Variants in PCDHGA8 observed in about 807,000 individuals in gnomAD.
PCDHGA8 encodes protocadherin gamma subfamily A, 8.
PCDHGA8 carries 45 observed loss-of-function variants against 59.2 expected under a neutral mutation model. The observed-to-expected ratio is 0.76, with a 90% CI of 0.60 to 0.98. The LOEUF (loss-of-function observed/expected upper bound fraction) is 0.98. Among genes scored for constraint, PCDHGA8 ranks in the 50% least tolerant of loss-of-function variants. PCDHGA8 has a pLI of 0.00. For missense variants in PCDHGA8, 1,257 were observed against 1,196.2 expected (o/e 1.05, Z -0.75); for synonymous variants, 531 against 519.0 (o/e 1.02, Z -0.32).
rs767291767 is a variant in PCDHGA8, at chr5:141,487,668, T to C, written c.2425-7139T>C. ...CTTGAGGGTTATTCTGATCCAGGCA[T>C]ATGGCTAGGCCATGTCCTAGAGAGT... is the stretch of plus-strand genomic sequence containing the variant. On this transcript the variant is annotated intron_variant, in intron 1 of 3. Transcript: ENST00000398604. The surrounding 1 kb of genome is among the most constrained non-coding windows in gnomAD (Gnocchi z 5.0). 1.9e-6 allele frequency: 3 copies of C among 1,612,658 alleles called. No homozygotes were observed. Among genetic ancestry groups the C allele is most frequent in the South Asian group, 1.1e-5 (1 of 90,650 alleles).
chr5:141,506,815 A>G (rs2099856451), intron 3 of PCDHGA8, among the ~76,000 whole-genome samples: 1 of 152,214 alleles, frequency 6.6e-6, no homozygotes, highest in African/African-American at 2.4e-5. Flanking sequence ...GCATTGCCCT[A>G]TATCATGAAC....
At chr5:141,405,355 A>G in intron 1 of PCDHGA8, 2 of 1,613,990 alleles carry the variant, frequency 1.2e-6, no homozygotes, top group South Asian at 1.1e-5. Flanking sequence ...AGTTTCCTAT[A>G]GAAGACACCC....
At chr5:141,416,215 A>G (rs969061407) in intron 1 of PCDHGA8, 1 of 152,400 alleles carries the variant, frequency 6.6e-6, no homozygotes, top group Non-Finnish European at 1.5e-5. Flanking sequence ...ATAACAATGT[A>G]TGCTTAGATT....
In PCDHGA8 at chr5:141,511,286, G is replaced by A. The variant is rs1231704933; in HGVS notation, c.*113G>A. On this transcript the variant is annotated 3_prime_UTR_variant, in exon 4 of 4. Coordinates refer to ENST00000398604, the MANE Select transcript of PCDHGA8 (RefSeq NM_032088.2). The stretch of plus-strand genomic sequence containing the variant: ...GGCTAACCCCCAGAATACTGGTAGG[G>A]GCCAAGGCCATGCTCCCCTTGGGAA... 2 of 1,520,242 alleles carry A rather than the reference G, an allele frequency of 1.3e-6. No individual in the cohort carries two copies. The allele number at this position is 1,520,242 out of a possible 1,614,324, so 94.2% of individuals were successfully genotyped here.
chr5:141,459,827 A>T (rs779024675), intron 1 of PCDHGA8, among the ~76,000 whole-genome samples: 1 of 152,126 alleles, frequency 6.6e-6, no homozygotes, highest in Non-Finnish European at 1.5e-5. Context: ...GCAACTTTTC[A>T]TGTGTTGTCT....
intron 1 of PCDHGA8, chr5:141,399,316 T>C (rs1281033457): frequency 6.2e-7 from 1 of 1,613,772 alleles, no homozygotes; most frequent in Non-Finnish European, 8.5e-7. Flanking sequence ...ATCCAAAAAT[T>C]CGTATAAGTT....
chr5:141,401,672 T>A (rs1468956975), intron 1 of PCDHGA8, among the ~76,000 whole-genome samples: 1 of 152,222 alleles, frequency 6.6e-6, no homozygotes, highest in African/African-American at 2.4e-5. Context: ...CTCAACATCC[T>A]TGTAGGATGG....
chr5:141,405,201 T>C, intron 1 of PCDHGA8: 1 of 1,614,050 alleles, frequency 6.2e-7, no homozygotes, highest in Non-Finnish European at 8.5e-7. Context: ...CGAGCTTTCC[T>C]ACAGACCTAT....
intron 1 of PCDHGA8, among the ~76,000 whole-genome samples, chr5:141,460,934 G>GTA (rs2099001529): frequency 2.7e-5 from 4 of 149,622 alleles, no homozygotes; most frequent in African/African-American, 9.9e-5. Context: ...ATGTGTGTGT[G>GTA]TATATATATG....
At chr5:141,436,676 G>T (rs1019010328) in intron 1 of PCDHGA8, among the ~76,000 whole-genome samples, 1 of 152,238 alleles carries the variant, frequency 6.6e-6, no homozygotes, top group African/African-American at 2.4e-5. Flanking sequence ...ACCAAAAAAA[G>T]GATTTATATT....
rs530540432 is a variant in PCDHGA8 at position 141,394,239 on chromosome 5, G to T, written c.1426G>T (p.Ala476Ser). ...LRGASIFSLT[A>S]HDPDSQENAQ... ...AGGAGCCTCCATCTTTTCCTTGACT[G>T]CACACGACCCCGACAGCCAGGAGAA... is the stretch of plus-strand genomic sequence containing the variant. Residue 476 changes from alanine to serine, a missense_variant, in exon 1 of 4, where the codon GCA becomes TCA. Physicochemically the swap from Ala to Ser is moderately conservative, Grantham distance 99. Transcript: ENST00000398604. 6.2e-7 allele frequency: 1 copy of T among 1,613,750 alleles called. No individual in the cohort carries two copies. Among genetic ancestry groups the T allele is most frequent in the Non-Finnish European group, 8.5e-7 (1 of 1,179,874 alleles).
At position 141,405,308 on chromosome 5, in the gene PCDHGA8, GA is replaced by G. The variant is rs776065617; in HGVS notation, c.2424+10072del. 15 of 1,614,096 alleles carry G rather than the reference GA, an allele frequency of 9.3e-6. No individual in the cohort carries two copies. The African/African-American group carries it at 1.9e-4, about 20-fold the overall frequency. On this transcript the variant is annotated intron_variant, in intron 1 of 3. Transcript: ENST00000398604. The stretch of plus-strand genomic sequence containing the variant: ...CACACTCATCAGCCAGCAGAGCTGT[GA>G]GAAAAATGAGCCTTTGTGCGTCTCT...
rs1475572413 is a variant in PCDHGA8, at chr5:141,432,843, T to G, written c.2424+37606T>G. The G allele has an allele frequency of 6.2e-7, 1 of 1,614,066 alleles. No homozygotes were observed. The highest frequency in any genetic ancestry group is 8.5e-7 in the Non-Finnish European group (1 of 1,180,020). ...TCAGACCTCACTCTGTACCTGGTGGTAGCGGTGGCCGCGGTCTCCTGCGTC... is the reference window on the plus strand; with the variant it reads ...TCAGACCTCACTCTGTACCTGGTGGGAGCGGTGGCCGCGGTCTCCTGCGTC... On this transcript the variant is annotated intron_variant, in intron 1 of 3. Coordinates refer to ENST00000398604, the MANE Select transcript of PCDHGA8 (RefSeq NM_032088.2). This position sits in a 1 kb window ranked among gnomAD's most constrained non-coding sequence, Gnocchi z 6.0.
chr5:141,413,721 C>T (rs779673406), intron 1 of PCDHGA8: 1 of 1,613,592 alleles, frequency 6.2e-7, no homozygotes, highest in South Asian at 1.1e-5. Context: ...ATAAGCACTT[C>T]TCCCTAAGAG....
In PCDHGA8 at chr5:141,431,892, A is replaced by G. The variant is rs1456048000; in HGVS notation, c.2424+36655A>G. The G allele has an allele frequency of 2.1e-5, 34 of 1,614,054 alleles. No homozygotes were observed. Among genetic ancestry groups the G allele is most frequent in the Non-Finnish European group, 2.7e-5 (32 of 1,179,972 alleles). ...AATGTAAATGACCAAGATTCTGAGG[A>G]AAACGGACAGGTGATCTGTTTCATC... is the stretch of plus-strand genomic sequence containing the variant. On this transcript the variant is annotated intron_variant, in intron 1 of 3. Transcript: ENST00000398604. The surrounding 1 kb of genome is among the most constrained non-coding windows in gnomAD (Gnocchi z 4.8).
rs145936007 is a variant in PCDHGA8, at chr5:141,490,795, C to T, written c.2425-4012C>T. 2.0e-5 allele frequency: 33 copies of T among 1,614,036 alleles called. No homozygotes were observed. Among genetic ancestry groups the T allele is most frequent in the Non-Finnish European group, 2.8e-5 (33 of 1,179,922 alleles). ...CCCAGAGGATGGACGGATCTTTGCC[C>T]AGCGTACCTTTGACTATGAATTGCT... On this transcript the variant is annotated intron_variant, in intron 1 of 3. Coordinates refer to ENST00000398604, the MANE Select transcript of PCDHGA8 (RefSeq NM_032088.2). This position sits in a 1 kb window ranked among gnomAD's most constrained non-coding sequence, Gnocchi z 5.4.
intron 1 of PCDHGA8, chr5:141,421,516 T>C (rs199973694): frequency 6.8e-6 from 11 of 1,614,064 alleles, no homozygotes; most frequent in Non-Finnish European, 9.3e-6. Context: ...GGAGGAGCTC[T>C]GTGAGACGGT....
At chr5:141,460,465 AAAGG>A (rs2098989932) in intron 1 of PCDHGA8, among the ~76,000 whole-genome samples, 1 of 152,088 alleles carries the variant, frequency 6.6e-6, no homozygotes, top group Non-Finnish European at 1.5e-5. Context: ...ATTTTTTTCC[AAAGG>A]AATATCCAAT....
rs1230717990 is a variant in PCDHGA8, at chr5:141,431,707, G to A, written c.2424+36470G>A. The A allele has an allele frequency of 6.2e-7, 1 of 1,614,232 alleles. No homozygotes were observed. Among genetic ancestry groups the A allele is most frequent in the South Asian group, 1.1e-5 (1 of 91,088 alleles). On this transcript the variant is annotated intron_variant, in intron 1 of 3. Coordinates refer to ENST00000398604, the MANE Select transcript of PCDHGA8 (RefSeq NM_032088.2). This position sits in a 1 kb window ranked among gnomAD's most constrained non-coding sequence, Gnocchi z 4.8. ...ACCACGAGGAGTCAGGATTCTACCAGATGGAAGTGCAAGCAATGGATAATG... is the reference window on the plus strand; with the variant it reads ...ACCACGAGGAGTCAGGATTCTACCAAATGGAAGTGCAAGCAATGGATAATG...
Sources: gnomAD v4.1 joint callset for allele counts (sites outside exome capture counted in the v4.1 genomes callset) on GRCh38, gnomAD v4.1.1 for gene constraint, Gnocchi (gnomAD v3.1) non-coding constraint, MANE v1.5 for transcripts, NCBI Gene and HGNC (gene_info 2026-07-23, HGNC 2026-07-21) for gene names.